The following NWD1 variants were observed in gnomAD, a reference collection of about 807,000 sequenced individuals.
NWD1 encodes NACHT domain- and WD repeat-containing protein 1.
Under a neutral mutation model 135.1 loss-of-function variants are expected in NWD1, and 129 were observed. The observed-to-expected ratio is 0.96, with a 90% CI of 0.83 to 1.11. The LOEUF (loss-of-function observed/expected upper bound fraction) is 1.11. Ranked by LOEUF, NWD1 falls within the 50% of genes least tolerant of loss-of-function variation. The pLI is 0.00. For missense variants in NWD1, 1,740 were observed against 1,851.3 expected, an observed-to-expected ratio of 0.94 and a Z score of 1.10; for synonymous variants, 773 against 786.0, an observed-to-expected ratio of 0.98 and a Z score of 0.28.
At chr19:16,738,077 T>A in intron 4 of NWD1, 1 of 284,252 alleles carries the variant, frequency 3.5e-6, no homozygotes, top group Non-Finnish European at 7.1e-6. Flanking sequence ...CCTGTCTTTG[T>A]AAGTAAAGCT....
intron 12 of NWD1, among the ~76,000 whole-genome samples, chr19:16,788,477 G>A (rs1248953537): frequency 3.4e-5 from 5 of 148,348 alleles, no homozygotes; most frequent in Admixed American, 6.8e-5. Context: ...GCTGAGGCAC[G>A]AGAATCACTT....
chr19:16,740,792 C>T (rs568297896), intron 4 of NWD1, among the ~76,000 whole-genome samples: 12 of 152,084 alleles, frequency 7.9e-5, no homozygotes, highest in African/African-American at 1.2e-4. Context: ...TTTTGGATTC[C>T]GGTTTGCACC....
Position 16,762,086 on chromosome 19 carries a change from A to G in NWD1, c.2081A>G (p.Lys694Arg). Residue 694 changes from lysine (K) to arginine (R), a missense_variant, in exon 8 of 19, where the codon AAG becomes AGG. Transcript: ENST00000524140. Reference sequence around the variant, plus strand: ...TCAGGGACCTGGAGCCAGGGTACCAAGAAGCTCATCACTCTGCCACTTGTG... The same window carrying G: ...TCAGGGACCTGGAGCCAGGGTACCAGGAAGCTCATCACTCTGCCACTTGTG... ...FFSGTWSQGT[K>R]KLITLPLVGK... The G allele has an allele frequency of 6.2e-7, 1 of 1,614,132 alleles. No homozygotes were observed. The highest frequency in any genetic ancestry group is 8.5e-7 in the Non-Finnish European group (1 of 1,180,014).
chr19:16,770,240 G>T (rs1355916537), intron 10 of NWD1, among the ~76,000 whole-genome samples: 1 of 152,136 alleles, frequency 6.6e-6, no homozygotes, highest in Non-Finnish European at 1.5e-5. Flanking sequence ...AATCATGGAG[G>T]TGTTTTCCTC....
At chr19:16,794,716 A>C (rs2431801) in intron 15 of NWD1, among the ~76,000 whole-genome samples, 163 bp downstream of exon 15, 1 of 152,074 alleles carries the variant, frequency 6.6e-6, no homozygotes, top group African/African-American at 2.4e-5. Context: ...AGACGAGACA[A>C]CCTCAGTTGC....
rs141232322 is a variant in NWD1 at position 16,749,184 on chromosome 19, G to A, written c.542G>A (p.Arg181Gln). Residue 181 changes from arginine to glutamine, a missense_variant, in exon 6 of 19, where the codon CGG becomes CAG. Arg to Gln is a conservative substitution (Grantham distance 43). Transcript: ENST00000524140. Reference sequence around the variant, plus strand: ...CGGAGCCTGCTGAGCTCAGAGGACCGGGAACAGGGAGCCACCGTCTTCCTT... The same window carrying A: ...CGGAGCCTGCTGAGCTCAGAGGACCAGGAACAGGGAGCCACCGTCTTCCTT... ...IERSLLSSED[R>Q]EQGATVFLRE... 700 of 1,613,072 alleles carry A rather than the reference G, an allele frequency of 4.3e-4. No homozygotes were observed. In the African/African-American group the frequency reaches 7.2e-3, roughly 16 times the overall value.
At chr19:16,775,857 A>G (rs1029499447) in intron 11 of NWD1, among the ~76,000 whole-genome samples, 2 of 151,988 alleles carry the variant, frequency 1.3e-5, no homozygotes, top group South Asian at 4.1e-4. Context: ...TGGTAGAGAC[A>G]GGGTTTCACC....
chr19:16,748,738 C>T (rs995221200), intron 5 of NWD1, among the ~76,000 whole-genome samples: 7 of 151,994 alleles, frequency 4.6e-5, no homozygotes, highest in African/African-American at 1.7e-4. Context: ...GTGGAAGGAT[C>T]GCTTGAGCCT....
At chr19:16,723,088 C>T in intron 1 of NWD1, among the ~76,000 whole-genome samples, 1 of 152,032 alleles carries the variant, frequency 6.6e-6, no homozygotes, top group Non-Finnish European at 1.5e-5. Flanking sequence ...GAGTCTCTCT[C>T]TGTTGCCCAG....
chr19:16,806,538 G>A (rs1440242112), intron 17 of NWD1, among the ~76,000 whole-genome samples: 1 of 151,934 alleles, frequency 6.6e-6, no homozygotes, highest in Non-Finnish European at 1.5e-5. Flanking sequence ...TGGGCAACAT[G>A]GTAAAATCCC....
Position 16,765,135 on chromosome 19 carries a change from G to A in NWD1, c.2353G>A (p.Gly785Ser). 3 of 1,614,144 alleles carry A rather than the reference G, an allele frequency of 1.9e-6. No individual in the cohort carries two copies. Among genetic ancestry groups the A allele is most frequent in the Non-Finnish European group, 2.5e-6 (3 of 1,180,022 alleles). The change falls in exon 10 of 19, where the codon GGC becomes AGC. Residue 785 changes from glycine to serine, a missense_variant. Transcript: ENST00000524140. Reference protein sequence around the residue: ...CAPHLDSPEVGLVREALQLCR... With the variant: ...CAPHLDSPEVSLVREALQLCR... The stretch of plus-strand genomic sequence containing the variant: ...CCCTCACCTGGACTCCCCTGAGGTT[G>A]GCCTGGTCCGTGAAGCCCTCCAGCT...
chr19:16,743,249 C>T (rs1049378241), intron 4 of NWD1, among the ~76,000 whole-genome samples: 1 of 149,796 alleles, frequency 6.7e-6, no homozygotes. Flanking sequence ...CTCACTCTGT[C>T]CCCCAGGCTG....
intron 6 of NWD1, among the ~76,000 whole-genome samples, chr19:16,756,006 G>A (rs549080762): frequency 1.1e-4 from 16 of 152,156 alleles, no homozygotes; most frequent in African/African-American, 3.1e-4. Flanking sequence ...ATAAATGGTC[G>A]ACGAACATGT....
At chr19:16,784,997 C>T (rs1469923444) in intron 12 of NWD1, among the ~76,000 whole-genome samples, 2 of 150,982 alleles carry the variant, frequency 1.3e-5, no homozygotes, top group African/African-American at 4.9e-5. Flanking sequence ...GTGTGCGACT[C>T]CCATGGATAT....
intron 7 of NWD1, among the ~76,000 whole-genome samples, chr19:16,760,504 C>T (rs1968969890): frequency 6.6e-6 from 1 of 152,052 alleles, no homozygotes; most frequent in Non-Finnish European, 1.5e-5. Flanking sequence ...AAGAGACACA[C>T]CCACATCGGC....
intron 12 of NWD1, among the ~76,000 whole-genome samples, chr19:16,786,968 G>A (rs1281405996): frequency 6.6e-6 from 1 of 152,098 alleles, no homozygotes; most frequent in Non-Finnish European, 1.5e-5. Context: ...TCTGTTATAT[G>A]TTGCAAATAT....
intron 3 of NWD1, among the ~76,000 whole-genome samples, chr19:16,734,258 AG>A (rs1052227680): frequency 1.3e-5 from 2 of 152,180 alleles, no homozygotes; most frequent in African/African-American, 4.8e-5. Context: ...TTTTTAAAAA[AG>A]CTTTTCTGTC....
intron 18 of NWD1, among the ~76,000 whole-genome samples, chr19:16,808,762 C>T (rs1414360284): frequency 6.6e-6 from 1 of 151,844 alleles, no homozygotes; most frequent in Non-Finnish European, 1.5e-5. Context: ...CATGACCCAC[C>T]GGACCTGGCT....
In NWD1 at chr19:16,808,148, G is replaced by A. The variant is rs780395558; in HGVS notation, c.4287+12G>A. On this transcript the variant is annotated intron_variant, in intron 18 of 18. Coordinates refer to ENST00000524140, the MANE Select transcript of NWD1 (RefSeq NM_001007525.5). ...AGATGAGCTACACGGTGGGTGGCCCGCCTCCCCATGTTCATGCTAGACCCA... is the reference window on the plus strand; with the variant it reads ...AGATGAGCTACACGGTGGGTGGCCCACCTCCCCATGTTCATGCTAGACCCA... 36 of 1,609,964 alleles carry A rather than the reference G, an allele frequency of 2.2e-5. 1 individual carries two copies. Among genetic ancestry groups the A allele is most frequent in the Middle Eastern group, 4.0e-4 (2 of 4,976 alleles).
Sources: allele counts gnomAD v4.1 joint callset (sites outside exome capture counted in the v4.1 genomes callset), GRCh38; gene constraint gnomAD v4.1.1; transcripts MANE v1.5; gene names NCBI Gene and HGNC (gene_info 2026-07-23, HGNC 2026-07-21).